Variants in DOCK9 observed in about 807,000 individuals in gnomAD.
DOCK9 encodes the protein dedicator of cytokinesis 9.
DOCK9 carries 89 observed loss-of-function variants against 263.3 expected under a neutral mutation model. That is an observed-to-expected ratio of 0.34 (90% CI 0.28 to 0.40). The LOEUF (loss-of-function observed/expected upper bound fraction) is 0.40, where lower values mean the gene tolerates loss of function less well. Ranked by LOEUF, DOCK9 falls within the 10% of genes least tolerant of loss-of-function variation. DOCK9 has a pLI of 1.00. For missense variants in DOCK9, 2,140 were observed against 2,603.4 expected (o/e 0.82, Z 3.87); for synonymous variants, 976 against 973.1 (o/e 1.00, Z -0.06).
chr13:98,904,425 A>G (rs1312731018), intron 10 of DOCK9, among the ~76,000 whole-genome samples: 1 of 152,234 alleles, frequency 6.6e-6, no homozygotes, highest in African/African-American at 2.4e-5. Flanking sequence ...CAATTTTCAA[A>G]CATCTATTGA....
At chr13:98,920,052 G>A (rs2051658896) in intron 7 of DOCK9, among the ~76,000 whole-genome samples, 1 of 152,188 alleles carries the variant, frequency 6.6e-6, no homozygotes, top group Non-Finnish European at 1.5e-5. Context: ...TGGATGGATG[G>A]ACAGATGATG....
At chr13:99,065,492 C>T (rs1566378496) in intron 1 of DOCK9, among the ~76,000 whole-genome samples, 1 of 152,172 alleles carries the variant, frequency 6.6e-6, no homozygotes, top group African/African-American at 2.4e-5. Flanking sequence ...GTCTGCCTTC[C>T]TCACTCCCTG....
At chr13:98,982,086 A>G (rs1450427221), upstream of DOCK9, among the ~76,000 whole-genome samples, 5 of 152,264 alleles carry the variant, frequency 3.3e-5, no homozygotes, top group Admixed American at 3.3e-4. Flanking sequence ...AATGTTGTAA[A>G]CCCTGTGGGG....
chr13:98,827,770 T>C (rs1242051268), intron 43 of DOCK9, among the ~76,000 whole-genome samples: 1 of 152,190 alleles, frequency 6.6e-6, no homozygotes, highest in African/African-American at 2.4e-5. Context: ...TCACATGCAC[T>C]GAACAGGCAG....
chr13:98,800,276 T>C lies in DOCK9; in HGVS notation c.5916+12A>G. 1 of 1,586,132 alleles carries C rather than the reference T, an allele frequency of 6.3e-7. No individual in the cohort carries two copies. The highest frequency in any genetic ancestry group is 8.6e-7 in the Non-Finnish European group (1 of 1,165,676). On this transcript the variant is annotated intron_variant, in intron 50 of 52. Coordinates refer to ENST00000682017, the MANE Select transcript of DOCK9 (RefSeq NM_001366683.2). The stretch of plus-strand genomic sequence containing the variant: ...TCCCCTGCTGCCCTCCGGCCTGCTG[T>C]GCCTGGCTCACCTGAACACTCACGC...
At chr13:98,884,059 C>T (rs559992112) in intron 21 of DOCK9, among the ~76,000 whole-genome samples, 160 bp from the exon 22 acceptor site, 2 of 152,394 alleles carry the variant, frequency 1.3e-5, no homozygotes, top group East Asian at 3.9e-4. Flanking sequence ...AGCTGATACA[C>T]ATTTCTGCCC....
chr13:98,810,227 A>G lies in DOCK9; in HGVS notation c.5195T>C (p.Leu1732Pro). 1.9e-6 allele frequency: 3 copies of G among 1,613,358 alleles called. No homozygotes were observed. The highest frequency in any genetic ancestry group is 1.7e-5 in the Admixed American group (1 of 59,982). Residue 1732 changes from leucine to proline, a missense_variant, in exon 46 of 53, where the codon CTC becomes CCC. By Grantham distance (98) the Leu-to-Pro change is moderately conservative. Transcript: ENST00000682017. ...GATAAGTTTGTAGATGTCGGCGATGAGCTCGTAGCGCTCGGCTTTCCAGAG... is the reference window on the plus strand; with the variant it reads ...GATAAGTTTGTAGATGTCGGCGATGGGCTCGTAGCGCTCGGCTTTCCAGAG... ...DGLWKAERYELIADIYKLIIP... is the reference protein window; with the variant it reads ...DGLWKAERYEPIADIYKLIIP...
chr13:98,795,199 G>A (rs1306784951), intron 52 of DOCK9, among the ~76,000 whole-genome samples: 2 of 152,254 alleles, frequency 1.3e-5, no homozygotes, highest in African/African-American at 4.8e-5. Context: ...ACATGTGCTT[G>A]ACTGGGACAC....
At chr13:98,885,659 C>A in intron 20 of DOCK9, 49 bp downstream of exon 20, 2 of 1,549,890 alleles carry the variant, frequency 1.3e-6, no homozygotes, top group Non-Finnish European at 1.7e-6. Flanking sequence ...AATTTAAGAA[C>A]CTAATGTTTC....
chr13:98,886,480 A>C, intron 19 of DOCK9, 52 bp downstream of exon 19: 1 of 1,521,244 alleles, frequency 6.6e-7, no homozygotes, highest in South Asian at 1.2e-5. Flanking sequence ...AATACATTAA[A>C]GTTTCCCTTA....
At chr13:99,087,746 C>T (rs1044425669), upstream of DOCK9, 1 of 152,390 alleles carries the variant, frequency 6.6e-6, no homozygotes, top group African/African-American at 2.4e-5. Flanking sequence ...TGGGCGGGTA[C>T]CCCGGGCGGG....
intron 49 of DOCK9, among the ~76,000 whole-genome samples, chr13:98,801,277 C>A (rs796096825): frequency 7.6e-4 from 115 of 152,034 alleles, no homozygotes; most frequent in African/African-American, 2.7e-3. Flanking sequence ...AGAGTGAGAC[C>A]CTGTCTCAAA....
chr13:99,043,247 G>GCAAAAGGAAGAAACTGGGGAAGATATCAT (rs1888645226), intron 1 of DOCK9, among the ~76,000 whole-genome samples: 1 of 152,342 alleles, frequency 6.6e-6, no homozygotes, highest in Non-Finnish European at 1.5e-5. Flanking sequence ...GGACTTTTAG[G>GCAAAAGGAAGAAACTGGGGAAGATATCAT]CAAAAGGAAG....
At chr13:98,868,474 G>C in intron 27 of DOCK9, 97 bp from the exon 28 acceptor site, 1 of 1,378,556 alleles carries the variant, frequency 7.3e-7, no homozygotes, top group South Asian at 1.5e-5. Context: ...AAAAAACCCA[G>C]AGTTTCTAGC....
intron 1 of DOCK9, chr13:99,015,733 C>A (rs1885308243): frequency 7.3e-7 from 1 of 1,375,328 alleles, no homozygotes; most frequent in African/African-American, 1.5e-5. Context: ...GGTACTGGAA[C>A]AGAAGGGAAG....
chr13:98,865,555 T>C (rs968131962), intron 30 of DOCK9, among the ~76,000 whole-genome samples: 1 of 152,220 alleles, frequency 6.6e-6, no homozygotes, highest in African/African-American at 2.4e-5. Context: ...CCCCATCGAC[T>C]GAGCGAAGCC....
chr13:98,841,666 G>A (rs1171257346), intron 38 of DOCK9, among the ~76,000 whole-genome samples: 2 of 145,922 alleles, frequency 1.4e-5, no homozygotes, highest in Non-Finnish European at 3.0e-5. Context: ...TTGTCACCCA[G>A]GCTGGAGTGC....
At chr13:99,055,544 C>A (rs986516477) in intron 1 of DOCK9, among the ~76,000 whole-genome samples, 3 of 151,998 alleles carry the variant, frequency 2.0e-5, no homozygotes, top group Non-Finnish European at 4.4e-5. Flanking sequence ...AGCAGCCAGG[C>A]GCACAGGGTC....
At chr13:98,994,671 T>C (rs901636417) in intron 1 of DOCK9, among the ~76,000 whole-genome samples, 1 of 151,942 alleles carries the variant, frequency 6.6e-6, no homozygotes, top group African/African-American at 2.4e-5. Flanking sequence ...ATCTAATATA[T>C]AATTATATCC....
Sources: gnomAD v4.1 joint callset for allele counts (sites outside exome capture counted in the v4.1 genomes callset) on GRCh38, gnomAD v4.1.1 for gene constraint, MANE v1.5 for transcripts, NCBI Gene and HGNC (gene_info 2026-07-23, HGNC 2026-07-21) for gene names.